Variants in RIMS2 observed in about 807,000 individuals in gnomAD.
The protein encoded by RIMS2 is regulating synaptic membrane exocytosis protein 2.
Under a neutral mutation model 174.4 loss-of-function variants are expected in RIMS2, and 59 were observed. That is an observed-to-expected ratio of 0.34 (90% CI 0.27 to 0.42). The LOEUF (loss-of-function observed/expected upper bound fraction) is 0.42, where lower values mean the gene tolerates loss of function less well. Ranked by LOEUF, RIMS2 falls within the 10% of genes least tolerant of loss-of-function variation. RIMS2 has a pLI of 1.00. For synonymous variants in RIMS2, 606 were observed against 572.5 expected (o/e 1.06, Z -0.84); for missense variants, 1,620 against 1,666.3 (o/e 0.97, Z 0.48).
chr8:103,557,888 T>C (rs905554418), intron 1 of RIMS2, among the ~76,000 whole-genome samples: 6 of 152,190 alleles, frequency 3.9e-5, no homozygotes, highest in Non-Finnish European at 7.3e-5. Flanking sequence ...TAGTCTGTGC[T>C]CCAGTTCCAG....
intron 19 of RIMS2, among the ~76,000 whole-genome samples, chr8:104,163,549 T>C (rs566731364): frequency 4.6e-5 from 7 of 152,272 alleles, no homozygotes; most frequent in Admixed American, 6.5e-5. Context: ...GACCTTTTGA[T>C]TTAAAATCAA....
chr8:103,930,626 T>C (rs1324854760), intron 11 of RIMS2, among the ~76,000 whole-genome samples: 2 of 152,118 alleles, frequency 1.3e-5, no homozygotes, highest in African/African-American at 2.4e-5. Context: ...TAATAAAATG[T>C]ACTCTTTTAT....
intron 1 of RIMS2, among the ~76,000 whole-genome samples, chr8:103,619,289 T>C (rs2095579535): frequency 6.6e-6 from 1 of 151,996 alleles, no homozygotes; most frequent in South Asian, 2.1e-4. Context: ...CAAAGTTGTA[T>C]TTTTTAAAAA....
chr8:103,840,876 A>G (rs1243672357), intron 3 of RIMS2, among the ~76,000 whole-genome samples: 2 of 152,212 alleles, frequency 1.3e-5, no homozygotes, highest in African/African-American at 4.8e-5. Context: ...AAATATAATT[A>G]TAGCATAAGT....
rs892703193 is a variant in RIMS2, at chr8:103,684,732, G to A, written c.177-12354G>A. ...CTCTTGAGTAGCTGGGATTACAGGT[G>A]CCCACCACCATGCCTGGCTAATTTT... On this transcript the variant is annotated intron_variant, in intron 1 of 23. Transcript: ENST00000504942. Among the ~76,000 whole-genome samples, 316 of 151,908 alleles carry A rather than the reference G, an allele frequency of 2.1e-3. 4 individuals are homozygous for A. Among genetic ancestry groups the A allele is most frequent in the Non-Finnish European group, 6.2e-4 (42 of 67,892 alleles).
chr8:104,062,400 C>A (rs188082154), intron 19 of RIMS2, among the ~76,000 whole-genome samples: 206 of 152,214 alleles, frequency 1.4e-3, no homozygotes, highest in African/African-American at 4.8e-3. Context: ...GAGCAAAACT[C>A]CATCTCAAAA....
intron 2 of RIMS2, among the ~76,000 whole-genome samples, chr8:103,698,488 T>C (rs1461645690): frequency 1.2e-4 from 19 of 152,240 alleles, no homozygotes; most frequent in Admixed American, 1.2e-3. Context: ...TTTCTCTATC[T>C]GTTGAGATTA....
At chr8:103,608,058 T>G (rs1343961698) in intron 1 of RIMS2, among the ~76,000 whole-genome samples, 8 of 149,716 alleles carry the variant, frequency 5.3e-5, no homozygotes, top group Non-Finnish European at 1.0e-4. Flanking sequence ...CTGCATTCCT[T>G]TGGAGGAGGA....
chr8:104,179,724 C>T (rs1407965689), intron 19 of RIMS2, among the ~76,000 whole-genome samples: 14 of 148,362 alleles, frequency 9.4e-5, no homozygotes, highest in East Asian at 2.0e-4. Flanking sequence ...TTTTTTTTTT[C>T]CAGGAAAACA....
chr8:103,839,823 C>G (rs1212777010), intron 3 of RIMS2, among the ~76,000 whole-genome samples: 1 of 152,170 alleles, frequency 6.6e-6, no homozygotes, highest in Non-Finnish European at 1.5e-5. Context: ...TTCTGCAGTT[C>G]ATTACTAAAA....
At chr8:103,694,794 G>C (rs964999162) in intron 1 of RIMS2, among the ~76,000 whole-genome samples, 3 of 152,204 alleles carry the variant, frequency 2.0e-5, no homozygotes, top group African/African-American at 7.2e-5. Context: ...GGTTGTGCCT[G>C]AAGCCTGAGG....
At chr8:103,981,787 G>A (rs2093925616) in intron 16 of RIMS2, among the ~76,000 whole-genome samples, 1 of 151,908 alleles carries the variant, frequency 6.6e-6, no homozygotes, top group Admixed American at 6.6e-5. Context: ...AATAGATCAA[G>A]CAGAAGAATT....
chr8:103,822,472 G>A (rs779017998), intron 3 of RIMS2, among the ~76,000 whole-genome samples: 1 of 151,716 alleles, frequency 6.6e-6, no homozygotes, highest in Non-Finnish European at 1.5e-5. Flanking sequence ...ATTCTTAAGT[G>A]AATTAATTAA....
intron 4 of RIMS2, among the ~76,000 whole-genome samples, chr8:103,908,046 C>A (rs2074859988): frequency 6.7e-6 from 1 of 148,228 alleles, no homozygotes; most frequent in Non-Finnish European, 1.5e-5. Context: ...CCGCGCCCGG[C>A]CTTTGTTTTC....
exon 4 of RIMS2, chr8:103,886,040 G>A: frequency 6.2e-7 from 1 of 1,612,966 alleles, no homozygotes; most frequent in Non-Finnish European, 8.5e-7. Context: ...GTTAAGGAAT[G>A]ATTCTCTCAG....
At chr8:104,191,596 G>A (rs536583468) in intron 19 of RIMS2, among the ~76,000 whole-genome samples, 2 of 152,196 alleles carry the variant, frequency 1.3e-5, no homozygotes, top group South Asian at 2.1e-4. Context: ...AGCTTTAGCC[G>A]TTTCAAGGAA....
intron 19 of RIMS2, among the ~76,000 whole-genome samples, chr8:104,195,965 G>T (rs1208056928): frequency 6.6e-6 from 1 of 152,052 alleles, no homozygotes; most frequent in Non-Finnish European, 1.5e-5. Context: ...TAGTTGTAGA[G>T]ATAAAATGCT....
At chr8:104,066,716 T>C (rs765205903) in intron 19 of RIMS2, among the ~76,000 whole-genome samples, 57 of 152,330 alleles carry the variant, frequency 3.7e-4, no homozygotes, top group Non-Finnish European at 7.1e-4. Context: ...CTAGCATTAA[T>C]ATTCCTCACT....
At chr8:103,671,704 A>G (rs2096746118) in intron 1 of RIMS2, among the ~76,000 whole-genome samples, 1 of 152,224 alleles carries the variant, frequency 6.6e-6, no homozygotes, top group South Asian at 2.1e-4. Flanking sequence ...AAGTGAGAAG[A>G]AAATTTGGTT....
Sources: gnomAD v4.1 joint callset for allele counts (sites outside exome capture counted in the v4.1 genomes callset) on GRCh38, gnomAD v4.1.1 for gene constraint, MANE v1.5 for transcripts, NCBI Gene and HGNC (gene_info 2026-07-23, HGNC 2026-07-21) for gene names.